The following SLC38A8 variants were observed in gnomAD, a reference collection of about 807,000 sequenced individuals.
SLC38A8 encodes solute carrier family 38 member 8, also known as amino acid transporter SLC38A8.
A neutral mutation model predicts 46.0 loss-of-function variants in SLC38A8; 65 were observed. The observed-to-expected ratio is 1.41, with a 90% CI of 1.16 to 1.74. The LOEUF (loss-of-function observed/expected upper bound fraction) is 1.74, where lower values mean the gene tolerates loss of function less well. Ranked by LOEUF, SLC38A8 falls within the 40% of genes most tolerant of loss-of-function variation. The pLI is 0.00. For synonymous variants in SLC38A8, 447 were observed against 243.7 expected (o/e 1.83, Z -7.77); for missense variants, 998 against 567.9 (o/e 1.76, Z -7.70).
At chr16:84,014,997 T>G (rs2085008109) in intron 9 of SLC38A8, among the ~76,000 whole-genome samples, 1 of 152,156 alleles carries the variant, frequency 6.6e-6, no homozygotes. Flanking sequence ...ACCTGTGCTT[T>G]CTGTTAAGTT....
chr16:84,028,193 G>C (rs8057907), intron 6 of SLC38A8, among the ~76,000 whole-genome samples: 2 of 152,042 alleles, frequency 1.3e-5, no homozygotes, highest in Non-Finnish European at 2.9e-5. Context: ...ATCTCCCTGT[G>C]GACTTGATTT....
At chr16:84,029,360 C>A (rs1458289406) in intron 6 of SLC38A8, 134 bp downstream of exon 6, 1 of 842,654 alleles carries the variant, frequency 1.2e-6, no homozygotes. Flanking sequence ...AGGTGGGCGG[C>A]ACAGAGCCCA....
At chr16:84,023,665 G>C (rs569029452) in intron 6 of SLC38A8, among the ~76,000 whole-genome samples, 2 of 152,120 alleles carry the variant, frequency 1.3e-5, no homozygotes, top group African/African-American at 4.8e-5. Context: ...AGGCCGAAGG[G>C]GGCAGATCAC....
At chr16:84,017,682 C>G (rs575979023) in intron 7 of SLC38A8, among the ~76,000 whole-genome samples, 2 of 152,194 alleles carry the variant, frequency 1.3e-5, no homozygotes, top group African/African-American at 4.8e-5. Context: ...TGGGGAAAAC[C>G]AAGAGCCAGG....
chr16:84,029,407 C>G, intron 6 of SLC38A8, 87 bp downstream of exon 6: 1 of 1,440,984 alleles, frequency 6.9e-7, no homozygotes, highest in South Asian at 1.2e-5. Context: ...GCCTCCCTGA[C>G]AGAGAAACCA....
intron 6 of SLC38A8, among the ~76,000 whole-genome samples, chr16:84,025,583 G>A (rs543174599): frequency 6.6e-6 from 1 of 152,246 alleles, no homozygotes; most frequent in South Asian, 2.1e-4. Context: ...GCACCGAGCT[G>A]AATAAACACT....
rs1330374197 is a variant in SLC38A8 at position 84,031,904 on chromosome 16, G to A, written c.595C>T (p.Pro199Ser). Residue 199 changes from proline to serine, a missense_variant, in exon 5 of 11, where the codon CCC becomes TCC. Pro to Ser is a moderately conservative substitution (Grantham distance 74). Transcript: ENST00000299709. ...TGGGACTCACGCACGAGGCCCTGGG[G>A]CCAGAGGTAGTACTGCACGGTGATG... ...LVITVQYYLWPQGLVRESHPS... is the reference protein window; with the variant it reads ...LVITVQYYLWSQGLVRESHPS... 5 of 1,614,090 alleles carry A rather than the reference G, an allele frequency of 3.1e-6. No individual in the cohort carries two copies. The East Asian group carries it at 6.7e-5, about 22-fold the overall frequency.
chr16:84,033,467 A>C lies in SLC38A8; in HGVS notation c.391T>G (p.Cys131Gly), dbSNP rs372894770. The C allele has an allele frequency of 2.5e-6, 4 of 1,601,478 alleles. No individual in the cohort carries two copies. In the African/African-American group the frequency reaches 4.0e-5, roughly 16 times the overall value. The change falls in exon 4 of 11, where the codon TGT becomes GGT. Residue 131 changes from cysteine (C) to glycine (G), a missense_variant and splice_region_variant. Cys to Gly is a radical substitution (Grantham distance 159). Coordinates refer to ENST00000299709, the MANE Select transcript of SLC38A8 (RefSeq NM_001080442.3). ...GGGGTGCCAGACAGGAGGGAGTCAC[A>C]CACTGCCAGAGACACGGGGAGAGCT... ...RVIGDQLEKL[C>G]DSLLSGTPPA...
chr16:84,019,970 T>G (rs919383358), intron 7 of SLC38A8, among the ~76,000 whole-genome samples: 18 of 152,234 alleles, frequency 1.2e-4, no homozygotes, highest in Non-Finnish European at 7.3e-5. Flanking sequence ...ACGTGTCTGT[T>G]CACAGGGGTT....
chr16:84,024,080 C>A (rs2085130172), intron 6 of SLC38A8, among the ~76,000 whole-genome samples: 1 of 152,134 alleles, frequency 6.6e-6, no homozygotes, highest in Admixed American at 6.5e-5. Flanking sequence ...CTGGCCGGGA[C>A]CTACTACATG....
At chr16:84,013,433 T>TTGTTG (rs1567689182) in intron 9 of SLC38A8, among the ~76,000 whole-genome samples, 57 of 128,486 alleles carry the variant, frequency 4.4e-4, no homozygotes, top group African/African-American at 1.7e-3. Context: ...TGTTTTTTTT[T>TTGTTG]TTTTTTTTTT....
chr16:84,012,506 G>A (rs1437338421), intron 10 of SLC38A8, among the ~76,000 whole-genome samples: 2 of 152,198 alleles, frequency 1.3e-5, no homozygotes, highest in African/African-American at 4.8e-5. Context: ...TAGCATCCGG[G>A]CCCGCCTCCT....
Position 84,036,588 on chromosome 16 carries a change from C to T in SLC38A8, c.388+114G>A, listed in dbSNP as rs541257567. 2.1e-5 allele frequency: 25 copies of T among 1,214,188 alleles called. 1 individual carries two copies. In the South Asian group the frequency reaches 2.5e-4, roughly 12 times the overall value. The allele number at this position is 1,214,188 out of a possible 1,614,324, so 75.2% of individuals were successfully genotyped here. A position where few individuals can be genotyped will look rare whatever the true frequency, so the allele number is the denominator to read the frequency against. ...AGGAACAAGAGTGTGGTTTCAGCCT[C>T]TGCTGTCCCTCAGGGCCCAGGCCAG... On this transcript the variant is annotated intron_variant, in intron 3 of 10. Transcript: ENST00000299709.
intron 2 of SLC38A8, among the ~76,000 whole-genome samples, chr16:84,039,160 G>A (rs989231172): frequency 6.6e-6 from 1 of 152,170 alleles, no homozygotes; most frequent in Non-Finnish European, 1.5e-5. Context: ...GCCACCAGGA[G>A]CTCGAAGAGC....
At position 84,024,495 on chromosome 16, in the gene SLC38A8, A is replaced by G. The variant is rs927808832; in HGVS notation, c.691-1606T>C. Among the ~76,000 whole-genome samples the G allele has an allele frequency of 5.9e-5, 9 of 151,806 alleles. No homozygotes were observed. The South Asian group carries it at 1.0e-3, about 18-fold the overall frequency. ...TGCCCAAGGGGGATAAGAATTTTAA[A>G]CGCAGGAGGGAGCGGTGGCTCACGC... On this transcript the variant is annotated intron_variant, in intron 6 of 10. Coordinates refer to ENST00000299709, the MANE Select transcript of SLC38A8 (RefSeq NM_001080442.3).
intron 6 of SLC38A8, 95 bp from the exon 7 acceptor site, chr16:84,022,984 T>G: frequency 1.2e-6 from 1 of 812,556 alleles, no homozygotes; most frequent in Non-Finnish European, 1.9e-6. Flanking sequence ...AAATGTGGGA[T>G]ATGATGAGGT....
intron 6 of SLC38A8, among the ~76,000 whole-genome samples, chr16:84,024,037 G>A (rs1487302171): frequency 6.6e-6 from 1 of 152,258 alleles, no homozygotes. Flanking sequence ...CAGCCGCCCT[G>A]TGTGTTTGGG....
chr16:84,042,135 C>T lies in SLC38A8; in HGVS notation c.23G>A (p.Ser8Asn). The part of the protein sequence containing the change: MEGQTPG[S>N]RGLPEKPHPA... Reference sequence around the variant, plus strand: ...GTGAGGCTTTTCTGGAAGGCCCCTGCTTCCTGGGGTCTGTCCCTCCATGGC... The same window carrying T: ...GTGAGGCTTTTCTGGAAGGCCCCTGTTTCCTGGGGTCTGTCCCTCCATGGC... Residue 8 changes from serine (S) to asparagine (N), a missense_variant, in exon 2 of 11, where the codon AGC (serine) becomes AAC (asparagine). Physicochemically the swap from Ser to Asn is conservative, Grantham distance 46 (BLOSUM62 1). Coordinates refer to ENST00000299709, the MANE Select transcript of SLC38A8 (RefSeq NM_001080442.3). 3.7e-6 allele frequency: 6 copies of T among 1,612,838 alleles called. No homozygotes were observed. Among genetic ancestry groups the T allele is most frequent in the Non-Finnish European group, 5.1e-6 (6 of 1,179,468 alleles).
intron 2 of SLC38A8, among the ~76,000 whole-genome samples, chr16:84,040,331 TCTC>T (rs1361913061): frequency 2.6e-5 from 4 of 152,180 alleles, no homozygotes; most frequent in South Asian, 4.2e-4. Context: ...AGGGTTCCCT[TCTC>T]CTCAAGTCTG....
Sources: allele counts gnomAD v4.1 joint callset (sites outside exome capture counted in the v4.1 genomes callset), GRCh38; gene constraint gnomAD v4.1.1; transcripts MANE v1.5; gene names NCBI Gene and HGNC (gene_info 2026-07-23, HGNC 2026-07-21).